ADK: variants seen among roughly 807,000 people sequenced by gnomAD.
ADK encodes the protein adenosine kinase.
Under a neutral mutation model 44.7 loss-of-function variants are expected in ADK, and 24 were observed. That is an observed-to-expected ratio of 0.54 (90% confidence interval 0.39 to 0.76). ADK has a LOEUF of 0.76. ADK is among the 30% of genes least tolerant of loss of function. The pLI is 0.00. For synonymous variants in ADK, 128 were observed against 142.6 expected, an observed-to-expected ratio of 0.90 and a Z score of 0.73; for missense variants, 321 against 425.1, an observed-to-expected ratio of 0.76 and a Z score of 2.15.
intron 9 of ADK, among the ~76,000 whole-genome samples, chr10:74,616,549 C>CT (rs1447304081): frequency 6.6e-6 from 1 of 151,996 alleles, no homozygotes; most frequent in African/African-American, 2.4e-5. Flanking sequence ...ATGGGTGAGT[C>CT]TTTTTTTAGG....
intron 7 of ADK, among the ~76,000 whole-genome samples, chr10:74,538,266 A>AG (rs1399578001): frequency 6.6e-6 from 1 of 152,130 alleles, no homozygotes. Context: ...AAAAAAAAAA[A>AG]AAAAGGTAAT....
chr10:74,652,264 G>A (rs1273917691), intron 9 of ADK, among the ~76,000 whole-genome samples: 3 of 151,054 alleles, frequency 2.0e-5, no homozygotes, highest in Non-Finnish European at 4.4e-5. Context: ...GGCTGGTCTC[G>A]AACTCTTGAC....
chr10:74,230,745 G>C (rs1028152377), intron 3 of ADK, among the ~76,000 whole-genome samples: 3 of 150,986 alleles, frequency 2.0e-5, no homozygotes, highest in Middle Eastern at 3.2e-3. Flanking sequence ...ACAGTGGCGC[G>C]ATCTTGGCTC....
chr10:74,185,072 A>G (rs1051874699), intron 1 of ADK, among the ~76,000 whole-genome samples: 1 of 152,174 alleles, frequency 6.6e-6, no homozygotes, highest in Non-Finnish European at 1.5e-5. Flanking sequence ...CCTATCCTAC[A>G]TGGGTGTTTT....
intron 8 of ADK, among the ~76,000 whole-genome samples, chr10:74,595,689 AC>A (rs1851892920): frequency 8.1e-6 from 1 of 123,658 alleles, no homozygotes; most frequent in East Asian, 2.5e-4. Context: ...TATCAGTTCA[AC>A]AGATTAAAAA....
intron 9 of ADK, among the ~76,000 whole-genome samples, chr10:74,606,372 G>A (rs755792318): frequency 8.5e-5 from 13 of 152,132 alleles, no homozygotes; most frequent in Non-Finnish European, 1.6e-4. Flanking sequence ...TCTCCTGTGG[G>A]CATTTAGTGC....
intron 1 of ADK, among the ~76,000 whole-genome samples, chr10:74,181,235 AT>A (rs566647959): frequency 2.0e-4 from 30 of 150,708 alleles, no homozygotes; most frequent in East Asian, 1.2e-3. Context: ...CTAAATAATG[AT>A]TTTTTTTTGG....
chr10:74,195,043 A>C (rs969885597), intron 1 of ADK, among the ~76,000 whole-genome samples: 2 of 151,932 alleles, frequency 1.3e-5, no homozygotes, highest in African/African-American at 4.8e-5. Flanking sequence ...GTTGGCTGCA[A>C]GCCTAAATTA....
intron 9 of ADK, among the ~76,000 whole-genome samples, chr10:74,650,998 G>C (rs574573292): frequency 2.0e-5 from 3 of 152,142 alleles, no homozygotes; most frequent in Non-Finnish European, 4.4e-5. Flanking sequence ...AAAGTATAAA[G>C]ACTTGACACC....
chr10:74,254,203 A>G (rs1444876717), intron 3 of ADK, among the ~76,000 whole-genome samples: 1 of 152,236 alleles, frequency 6.6e-6, no homozygotes, highest in East Asian at 1.9e-4. Context: ...AAATAAGAGC[A>G]TTATAGAGAT....
intron 7 of ADK, among the ~76,000 whole-genome samples, chr10:74,528,844 A>G (rs1449641519): frequency 1.3e-5 from 2 of 152,184 alleles, no homozygotes; most frequent in Non-Finnish European, 2.9e-5. Flanking sequence ...CAGAATGACA[A>G]TTGTTTTAAA....
chr10:74,670,247 A>G lies in ADK; in HGVS notation c.942A>G (p.Gly314=). Residue 314 remains glycine, a synonymous_variant, in exon 10 of 11, where the codon GGA becomes GGG. Coordinates refer to ENST00000539909, the MANE Select transcript of ADK (RefSeq NM_006721.4). ...QDQKEIIDTN[G]AGDAFVGGFL... ...AGAAAGAAATTATTGATACCAATGG[A>G]GCTGGAGATGCATTTGTTGGAGGTA... The G allele has an allele frequency of 6.2e-7, 1 of 1,613,802 alleles. No homozygotes were observed. Among genetic ancestry groups the G allele is most frequent in the Non-Finnish European group, 8.5e-7 (1 of 1,179,758 alleles).
In ADK at chr10:74,195,081, TC is replaced by T. The variant is rs201672927; in HGVS notation, c.66-5674del. 1.5e-4 allele frequency among the ~76,000 whole-genome samples: 14 copies of T among 92,244 alleles called. No individual in the cohort carries two copies. The South Asian group carries it at 2.1e-3, about 14-fold the overall frequency. The allele number at this position is 92,244 out of a possible 152,430, so 60.5% of individuals were successfully genotyped here. The stretch of plus-strand genomic sequence containing the variant: ...AGACATTTATAAAATTACTGACCGC[TC>T]CCCCCCCCAAAAAAAAAAGATTGTT... On this transcript the variant is annotated intron_variant, in intron 1 of 10. Transcript: ENST00000539909.
At chr10:74,598,599 T>C (rs1852012344) in intron 8 of ADK, among the ~76,000 whole-genome samples, 1 of 151,792 alleles carries the variant, frequency 6.6e-6, no homozygotes, top group Non-Finnish European at 1.5e-5. Context: ...TACAGACACG[T>C]GCCACCATGC....
At chr10:74,613,365 G>A (rs1236491915) in intron 9 of ADK, among the ~76,000 whole-genome samples, 2 of 152,064 alleles carry the variant, frequency 1.3e-5, no homozygotes, top group Admixed American at 1.3e-4. Flanking sequence ...CTGGAAAAAC[G>A]AAAACAGAAC....
chr10:74,320,104 C>A (rs1009519302), intron 4 of ADK, among the ~76,000 whole-genome samples: 2 of 152,164 alleles, frequency 1.3e-5, no homozygotes, highest in African/African-American at 4.8e-5. Flanking sequence ...AATGTCCTTT[C>A]ATTTCAGCCT....
At chr10:74,244,467 G>A (rs1214408589) in intron 3 of ADK, among the ~76,000 whole-genome samples, 1 of 152,158 alleles carries the variant, frequency 6.6e-6, no homozygotes, top group African/African-American at 2.4e-5. Context: ...TAAAGGTAAA[G>A]ATGAATTCCC....
At chr10:74,534,241 T>C (rs1849380191) in intron 7 of ADK, among the ~76,000 whole-genome samples, 1 of 152,200 alleles carries the variant, frequency 6.6e-6, no homozygotes, top group Admixed American at 6.5e-5. Flanking sequence ...TTAAACACTT[T>C]TAGTTTGTGC....
rs367982701 is a variant in ADK, at chr10:74,598,440, C to CTT, written c.763-1939_763-1938insTT. Among the ~76,000 whole-genome samples the CTT allele has an allele frequency of 1.8e-3, 209 of 114,056 alleles. 36 individuals are homozygous for CTT. The highest frequency in any genetic ancestry group is 0.013 in the East Asian group (36 of 2,744). 74.8% of individuals were successfully genotyped at this position (114,056 alleles called of 152,430 possible). A position where few individuals can be genotyped will look rare whatever the true frequency, so the allele number is the denominator to read the frequency against. On this transcript the variant is annotated intron_variant, in intron 8 of 10. Coordinates refer to ENST00000539909, the MANE Select transcript of ADK (RefSeq NM_006721.4). ...TAGAAAGCAACCATGGAATCTTATT[C>CTT]CTTTTTTTTTTTTTTTTTTTTTTTT... is the stretch of plus-strand genomic sequence containing the variant.
Sources: gnomAD v4.1 joint callset for allele counts (sites outside exome capture counted in the v4.1 genomes callset) on GRCh38, gnomAD v4.1.1 for gene constraint, MANE v1.5 for transcripts, NCBI Gene and HGNC (gene_info 2026-07-23, HGNC 2026-07-21) for gene names.